The following SDC2 variants were observed in gnomAD, a reference collection of about 807,000 sequenced individuals.
SDC2 encodes syndecan-2.
SDC2 carries 13 observed loss-of-function variants against 22.2 expected under a neutral mutation model. The ratio of observed to expected loss-of-function variants is 0.59; its 90% CI spans 0.38 to 0.93. SDC2 has a LOEUF of 0.93. SDC2 is among the 40% of genes least tolerant of loss of function. SDC2 has a pLI of 0.00. For synonymous variants in SDC2, 94 were observed against 92.8 expected, an observed-to-expected ratio of 1.01 and a Z score of -0.07; for missense variants, 235 against 246.8, an observed-to-expected ratio of 0.95 and a Z score of 0.32.
intron 1 of SDC2, among the ~76,000 whole-genome samples, chr8:96,537,720 G>A (rs1476397405): frequency 3.3e-5 from 5 of 152,044 alleles, no homozygotes; most frequent in African/African-American, 7.3e-5. Context: ...TTTATATTTT[G>A]TAGGCCCATG....
chr8:96,582,900 C>T lies in SDC2; in HGVS notation c.61-10580C>T, dbSNP rs1421962504. On this transcript the variant is annotated intron_variant, in intron 1 of 4. Transcript: ENST00000302190. ...TTGAAATAACCCAGGAGCAAGGAGG[C>T]GCTAACAAGACGGGTTATTAGACCC... 2.6e-5 allele frequency among the ~76,000 whole-genome samples: 4 copies of T among 152,178 alleles called. No individual in the cohort carries two copies. In the Middle Eastern group the frequency reaches 0.01, roughly 388 times the overall value.
chr8:96,587,865 G>C (rs1814712596), intron 1 of SDC2, among the ~76,000 whole-genome samples: 1 of 152,104 alleles, frequency 6.6e-6, no homozygotes, highest in South Asian at 2.1e-4. Context: ...AGGGAGGGAC[G>C]AGGTAGGCAG....
At chr8:96,524,034 A>G (rs1181636571) in intron 1 of SDC2, among the ~76,000 whole-genome samples, 1 of 152,222 alleles carries the variant, frequency 6.6e-6, no homozygotes, top group Admixed American at 6.5e-5. Context: ...CTTTCACATC[A>G]AAGGGCAAGG....
In SDC2 at chr8:96,556,466, G is replaced by A. The variant is rs1388565319; in HGVS notation, c.61-37014G>A. Among the ~76,000 whole-genome samples, 5 of 151,934 alleles carry A rather than the reference G, an allele frequency of 3.3e-5. No individual in the cohort carries two copies. In the East Asian group the frequency reaches 7.7e-4, roughly 23 times the overall value. On this transcript the variant is annotated intron_variant, in intron 1 of 4. Coordinates refer to ENST00000302190, the MANE Select transcript of SDC2 (RefSeq NM_002998.4). ...ACAGAACAGAGCCCTCAGAAATAACGCCGCATATCTACAACTATCTGATCT... is the reference window on the plus strand; with the variant it reads ...ACAGAACAGAGCCCTCAGAAATAACACCGCATATCTACAACTATCTGATCT...
At chr8:96,577,685 T>C (rs1369388642) in intron 1 of SDC2, among the ~76,000 whole-genome samples, 1 of 152,190 alleles carries the variant, frequency 6.6e-6, no homozygotes, top group African/African-American at 2.4e-5. Flanking sequence ...TATTATATTA[T>C]CATACAGAAT....
At chr8:96,590,738 T>C (rs1344691111) in intron 1 of SDC2, among the ~76,000 whole-genome samples, 1 of 152,128 alleles carries the variant, frequency 6.6e-6, no homozygotes, top group Non-Finnish European at 1.5e-5. Context: ...TGGAAAGATA[T>C]TGGTAATTTC....
intron 1 of SDC2, among the ~76,000 whole-genome samples, chr8:96,532,932 T>A (rs1813689616): frequency 6.6e-6 from 1 of 152,212 alleles, no homozygotes; most frequent in Non-Finnish European, 1.5e-5. Flanking sequence ...CTTAAGTACA[T>A]ACTGTATCCA....
chr8:96,580,566 G>A (rs1814573226), intron 1 of SDC2: 1 of 976,396 alleles, frequency 1.0e-6, no homozygotes, highest in Non-Finnish European at 1.2e-6. Flanking sequence ...GTTCTGTCTG[G>A]AGGTGAGTGT....
intron 2 of SDC2, among the ~76,000 whole-genome samples, chr8:96,594,314 G>A (rs1189856757): frequency 6.6e-6 from 1 of 152,160 alleles, no homozygotes; most frequent in African/African-American, 2.4e-5. Flanking sequence ...TGAGTGTACA[G>A]CTTTAGGTTG....
At chr8:96,576,706 A>G (rs1295730512) in intron 1 of SDC2, among the ~76,000 whole-genome samples, 1 of 151,532 alleles carries the variant, frequency 6.6e-6, no homozygotes, top group Non-Finnish European at 1.5e-5. Context: ...GGCGTGAGCC[A>G]CCGCGCCCGG....
At chr8:96,520,754 G>A (rs912064387) in intron 1 of SDC2, among the ~76,000 whole-genome samples, 4 of 152,174 alleles carry the variant, frequency 2.6e-5, no homozygotes, top group African/African-American at 9.7e-5. Flanking sequence ...AGTTCTCTAA[G>A]GATTAGCTGC....
intron 2 of SDC2, among the ~76,000 whole-genome samples, 161 bp downstream of exon 2, chr8:96,593,752 C>T (rs1323351987): frequency 6.6e-6 from 1 of 152,246 alleles, no homozygotes; most frequent in Non-Finnish European, 1.5e-5. Flanking sequence ...CTCTCTGCCA[C>T]TTACGCTGTG....
chr8:96,557,752 G>A (rs1335931157), intron 1 of SDC2, among the ~76,000 whole-genome samples: 1 of 151,964 alleles, frequency 6.6e-6, no homozygotes, highest in Non-Finnish European at 1.5e-5. Context: ...ATATGCACAT[G>A]GACCCTAAAA....
intron 1 of SDC2, among the ~76,000 whole-genome samples, chr8:96,576,564 C>A (rs1445687045): frequency 7.6e-6 from 1 of 130,878 alleles, no homozygotes. Flanking sequence ...GGACTACAGG[C>A]GCCCGCCACT....
At chr8:96,570,339 C>T (rs955220439) in intron 1 of SDC2, among the ~76,000 whole-genome samples, 7 of 152,174 alleles carry the variant, frequency 4.6e-5, no homozygotes, top group Non-Finnish European at 1.0e-4. Context: ...ACAGATCCTT[C>T]CATTTTCAAA....
At chr8:96,541,489 G>C (rs1331806506) in intron 1 of SDC2, among the ~76,000 whole-genome samples, 1 of 123,042 alleles carries the variant, frequency 8.1e-6, no homozygotes. Flanking sequence ...CCCGGTGACA[G>C]AGCAAGCCCA....
At chr8:96,606,298 A>G (rs1395865754) in intron 3 of SDC2, among the ~76,000 whole-genome samples, 2 of 152,220 alleles carry the variant, frequency 1.3e-5, no homozygotes, top group Non-Finnish European at 1.5e-5. Context: ...AGGTCTCAGT[A>G]TGTTGCCCAG....
intron 1 of SDC2, among the ~76,000 whole-genome samples, chr8:96,583,392 ATGTG>A (rs71267269): frequency 2.2e-4 from 23 of 102,266 alleles, no homozygotes; most frequent in South Asian, 3.5e-4. Flanking sequence ...TATATGACAT[ATGTG>A]TGTGTGTGTG....
In SDC2 at chr8:96,610,776, G is replaced by A. The variant is rs1289903572; in HGVS notation, c.*1228G>A. The stretch of plus-strand genomic sequence containing the variant: ...AGTGTCTGTAAATCAAGACCAAAGA[G>A]CCTGTCGATGAGACTGTTTATTACC... On this transcript the variant is annotated 3_prime_UTR_variant, in exon 5 of 5. Transcript: ENST00000302190. 2.0e-5 allele frequency: 3 copies of A among 152,622 alleles called. No individual in the cohort carries two copies. Among genetic ancestry groups the A allele is most frequent in the African/African-American group, 7.2e-5 (3 of 41,444 alleles). The allele number at this position is 152,622 out of a possible 1,614,324, so 9.5% of individuals were successfully genotyped here. A position where few individuals can be genotyped will look rare whatever the true frequency, so the allele number is the denominator to read the frequency against.
Sources: gnomAD v4.1 joint callset for allele counts (sites outside exome capture counted in the v4.1 genomes callset) on GRCh38, gnomAD v4.1.1 for gene constraint, MANE v1.5 for transcripts, NCBI Gene and HGNC (gene_info 2026-07-23, HGNC 2026-07-21) for gene names.